Variants in PDE10A observed in about 807,000 individuals in gnomAD.
PDE10A encodes cAMP and cAMP-inhibited cGMP 3',5'-cyclic phosphodiesterase 10A.
Under a neutral mutation model 97.7 loss-of-function variants are expected in PDE10A, and 39 were observed. The observed-to-expected ratio is 0.40, with a 90% confidence interval of 0.31 to 0.52. PDE10A has a LOEUF of 0.52. Among genes scored for constraint, PDE10A ranks in the 20% least tolerant of loss-of-function variants. PDE10A has a pLI of 0.56. For synonymous variants in PDE10A, 371 were observed against 376.8 expected, an observed-to-expected ratio of 0.98 and a Z score of 0.18; for missense variants, 731 against 1,047.8, an observed-to-expected ratio of 0.70 and a Z score of 4.17.
rs185904776 is a variant in PDE10A at position 165,348,432 on chromosome 6, G to T, written c.2784-4930C>A. On this transcript the variant is annotated intron_variant, in intron 18 of 21. Coordinates refer to ENST00000539869, the MANE Select transcript of PDE10A (RefSeq NM_001385079.1). ...ACCTGGTTCTATTTAGCCATAATGG[G>T]ACCATGCTTGCTAATTTCAACAAAA... Among the ~76,000 whole-genome samples the T allele has an allele frequency of 1.5e-4, 23 of 152,236 alleles. No homozygotes were observed. In the East Asian group the frequency reaches 4.2e-3, roughly 28 times the overall value.
intron 17 of PDE10A, among the ~76,000 whole-genome samples, chr6:165,387,646 G>C (rs1242773192): frequency 6.6e-6 from 1 of 152,216 alleles, no homozygotes; most frequent in African/African-American, 2.4e-5. Context: ...TTCCTACTTA[G>C]AGGTGCTGAC....
At chr6:165,977,986 C>G (rs138566548) in intron 1 of PDE10A, among the ~76,000 whole-genome samples, 1 of 152,202 alleles carries the variant, frequency 6.6e-6, no homozygotes, top group Non-Finnish European at 1.5e-5. Context: ...ACCCAGGTAA[C>G]GAAGATGTGC....
chr6:165,735,862 C>T (rs1001350184), intron 1 of PDE10A, among the ~76,000 whole-genome samples: 1 of 152,200 alleles, frequency 6.6e-6, no homozygotes, highest in African/African-American at 2.4e-5. Flanking sequence ...TTAACTGTCA[C>T]AGATTCCTTA....
In PDE10A at chr6:165,593,232, A is replaced by T. The variant is rs953941344; in HGVS notation, c.866-49664T>A. ...CGAAACACTGCATGTTCTCACTCAT[A>T]GGTGGGAACTGAACAATGAGAATGC... On this transcript the variant is annotated intron_variant, in intron 1 of 21. Coordinates refer to ENST00000539869, the MANE Select transcript of PDE10A (RefSeq NM_001385079.1). Among the ~76,000 whole-genome samples the T allele has an allele frequency of 3.3e-5, 5 of 152,292 alleles. No individual in the cohort carries two copies. The South Asian group carries it at 1.0e-3, about 32-fold the overall frequency.
chr6:165,650,317 A>G (rs1789615671), intron 1 of PDE10A, among the ~76,000 whole-genome samples: 1 of 152,218 alleles, frequency 6.6e-6, no homozygotes, highest in Non-Finnish European at 1.5e-5. Context: ...AAACGGGGTA[A>G]CACTGAAAAG....
At chr6:165,531,133 A>G (rs772192647) in intron 2 of PDE10A, among the ~76,000 whole-genome samples, 3 of 151,826 alleles carry the variant, frequency 2.0e-5, no homozygotes, top group Non-Finnish European at 4.4e-5. Context: ...CCCTTTCCAA[A>G]CCCCCAGAGG....
intron 3 of PDE10A, among the ~76,000 whole-genome samples, chr6:165,482,068 A>T (rs1779635339): frequency 6.6e-6 from 1 of 152,208 alleles, no homozygotes; most frequent in Non-Finnish European, 1.5e-5. Flanking sequence ...TTGGCAACTG[A>T]CTCAGAAAAC....
intron 1 of PDE10A, among the ~76,000 whole-genome samples, chr6:165,603,344 G>A (rs1787058189): frequency 6.6e-6 from 1 of 152,194 alleles, no homozygotes; most frequent in Non-Finnish European, 1.5e-5. Context: ...AGTGATATAA[G>A]GTCAAGGCCA....
intron 1 of PDE10A, among the ~76,000 whole-genome samples, chr6:165,726,185 T>C (rs562663752): frequency 6.6e-6 from 1 of 152,180 alleles, no homozygotes; most frequent in Non-Finnish European, 1.5e-5. Context: ...GAGCAAGAGC[T>C]GATCCCACCA....
At chr6:165,633,022 T>C (rs923856126) in intron 1 of PDE10A, among the ~76,000 whole-genome samples, 1 of 151,144 alleles carries the variant, frequency 6.6e-6, no homozygotes, top group African/African-American at 2.4e-5. Context: ...AGAGATTCCT[T>C]CACAACTTCT....
At chr6:165,607,787 A>T (rs1787282219) in intron 1 of PDE10A, among the ~76,000 whole-genome samples, 1 of 152,182 alleles carries the variant, frequency 6.6e-6, no homozygotes, top group Middle Eastern at 3.2e-3. Flanking sequence ...GTTTAACAGC[A>T]TCAACTTTAG....
At chr6:165,338,750 T>G (rs138359553) in intron 20 of PDE10A, among the ~76,000 whole-genome samples, 52 of 152,314 alleles carry the variant, frequency 3.4e-4, no homozygotes, top group African/African-American at 1.1e-3. Flanking sequence ...AAAGAAAGCC[T>G]ATTTACTGCA....
chr6:165,670,117 G>T (rs540893035), intron 1 of PDE10A, among the ~76,000 whole-genome samples: 7 of 152,186 alleles, frequency 4.6e-5, no homozygotes, highest in Non-Finnish European at 1.0e-4. Flanking sequence ...AATGGTGGAC[G>T]GCTCCTGGGG....
At chr6:165,532,414 G>C (rs1782834943) in intron 2 of PDE10A, among the ~76,000 whole-genome samples, 2 of 151,790 alleles carry the variant, frequency 1.3e-5, no homozygotes, top group Non-Finnish European at 2.9e-5. Context: ...GGCAAAAATA[G>C]TAAGCAACTA....
chr6:165,955,558 T>G, intron 1 of PDE10A, among the ~76,000 whole-genome samples: 1 of 152,206 alleles, frequency 6.6e-6, no homozygotes, highest in East Asian at 1.9e-4. Flanking sequence ...GTAATCTTCT[T>G]CTTACAAAGC....
chr6:165,579,814 C>T (rs1395419791), intron 1 of PDE10A, among the ~76,000 whole-genome samples: 1 of 152,178 alleles, frequency 6.6e-6, no homozygotes, highest in Non-Finnish European at 1.5e-5. Context: ...ACATCCACAT[C>T]CTGGCCTTTT....
chr6:165,972,469 G>C (rs1276145129), intron 1 of PDE10A, among the ~76,000 whole-genome samples: 2 of 152,094 alleles, frequency 1.3e-5, no homozygotes, highest in Non-Finnish European at 2.9e-5. Context: ...AAAATTATTT[G>C]TGAAACACCT....
intron 1 of PDE10A, among the ~76,000 whole-genome samples, chr6:165,605,088 C>A (rs1460468282): frequency 6.6e-6 from 1 of 152,100 alleles, no homozygotes; most frequent in East Asian, 1.9e-4. Context: ...TATCAAATTT[C>A]ATTGCTTCAT....
intron 15 of PDE10A, 65 bp downstream of exon 15, chr6:165,395,116 T>C (rs220792): frequency 0.21 from 204,255 of 959,130 alleles, 24,379 homozygotes; most frequent in African/African-American, 0.41. Flanking sequence ...GAGGCATATA[T>C]GTAGAAGGAG....
Sources: allele counts gnomAD v4.1 joint callset (sites outside exome capture counted in the v4.1 genomes callset), GRCh38; gene constraint gnomAD v4.1.1; transcripts MANE v1.5; gene names NCBI Gene and HGNC (gene_info 2026-07-23, HGNC 2026-07-21).